Variants in AGBL4 observed in about 807,000 individuals in gnomAD.
The protein encoded by AGBL4 is AGBL carboxypeptidase 4, also known as cytosolic carboxypeptidase 6.
AGBL4 carries 58 observed loss-of-function variants against 66.4 expected under a neutral mutation model. The ratio of observed to expected loss-of-function variants is 0.87; its 90% CI spans 0.71 to 1.09. AGBL4 has a LOEUF of 1.09. AGBL4 is among the 50% of genes least tolerant of loss of function. AGBL4 has a pLI of 0.00. For missense variants in AGBL4, 579 were observed against 631.0 expected (o/e 0.92, Z 0.88); for synonymous variants, 234 against 222.9 (o/e 1.05, Z -0.44).
intron 3 of AGBL4, among the ~76,000 whole-genome samples, chr1:49,578,445 CA>C (rs1281068489): frequency 2.6e-5 from 4 of 152,136 alleles, no homozygotes; most frequent in South Asian, 2.1e-4. Context: ...TTGCTGAAGG[CA>C]AAAGGAATAC....
At chr1:49,462,601 G>C (rs1646539378) in intron 3 of AGBL4, among the ~76,000 whole-genome samples, 1 of 151,686 alleles carries the variant, frequency 6.6e-6, no homozygotes, top group Admixed American at 6.6e-5. Context: ...CTTAAAGCTT[G>C]GATTAAAAGC....
rs187904403 is a variant in AGBL4, at chr1:49,233,678, T to C, written c.377+12092A>G. Among the ~76,000 whole-genome samples, 35 of 152,330 alleles carry C rather than the reference T, an allele frequency of 2.3e-4. No homozygotes were observed. The East Asian group carries it at 5.6e-3, about 24-fold the overall frequency. On this transcript the variant is annotated intron_variant, in intron 4 of 13. Coordinates refer to ENST00000371839, the MANE Select transcript of AGBL4 (RefSeq NM_032785.4). ...TGCCATAAAAATGGTTCAGACATAG[T>C]ATTTTCTGGGTAGAATTAGGAAATT...
chr1:49,960,573 C>T (rs922357122), intron 1 of AGBL4, among the ~76,000 whole-genome samples: 5 of 151,856 alleles, frequency 3.3e-5, no homozygotes, highest in Admixed American at 1.3e-4. Flanking sequence ...TTGTATGTTC[C>T]CACACAAAGA....
intron 6 of AGBL4, among the ~76,000 whole-genome samples, chr1:48,828,352 G>T (rs949595100): frequency 4.6e-5 from 7 of 152,114 alleles, no homozygotes; most frequent in African/African-American, 1.7e-4. Flanking sequence ...TTGCTGGATA[G>T]AGCCATGGAG....
At chr1:49,689,964 C>T (rs555972683) in intron 3 of AGBL4, among the ~76,000 whole-genome samples, 1 of 152,186 alleles carries the variant, frequency 6.6e-6, no homozygotes, top group South Asian at 2.1e-4. Flanking sequence ...CTGATGAAGT[C>T]AACTGATGTG....
intron 3 of AGBL4, among the ~76,000 whole-genome samples, chr1:49,585,990 T>C (rs960508885): frequency 6.6e-6 from 1 of 152,210 alleles, no homozygotes; most frequent in East Asian, 1.9e-4. Context: ...CCTTTACCCA[T>C]ATGTTAATTA....
At chr1:48,649,284 G>A (rs898931401) in intron 8 of AGBL4, among the ~76,000 whole-genome samples, 14 of 152,156 alleles carry the variant, frequency 9.2e-5, no homozygotes, top group African/African-American at 3.1e-4. Context: ...GCGATCCCTG[G>A]GAAAGCCTTT....
At chr1:49,828,466 T>A (rs370972689) in intron 2 of AGBL4, among the ~76,000 whole-genome samples, 38 of 151,946 alleles carry the variant, frequency 2.5e-4, no homozygotes, top group African/African-American at 3.6e-4. Context: ...GAAAAAAAAA[T>A]TTGGCTGAAT....
chr1:49,146,190 T>G (rs1646214765), intron 4 of AGBL4, among the ~76,000 whole-genome samples: 1 of 152,092 alleles, frequency 6.6e-6, no homozygotes, highest in Non-Finnish European at 1.5e-5. Flanking sequence ...TACTGGATAA[T>G]GCAACAAGGT....
intron 5 of AGBL4, among the ~76,000 whole-genome samples, chr1:48,921,331 CTG>C (rs1654056989): frequency 6.6e-6 from 1 of 152,194 alleles, no homozygotes; most frequent in Non-Finnish European, 1.5e-5. Flanking sequence ...GTGCTGGACA[CTG>C]GAGATGCAAA....
intron 6 of AGBL4, among the ~76,000 whole-genome samples, chr1:48,693,504 T>C (rs1212799682): frequency 6.6e-6 from 1 of 152,150 alleles, no homozygotes; most frequent in Non-Finnish European, 1.5e-5. Flanking sequence ...AAAGGAAATT[T>C]CACGGTGGCG....
chr1:49,245,843 TAAC>T lies in AGBL4; in HGVS notation c.301_303del (p.Val101del). The stretch of plus-strand genomic sequence containing the variant: ...TAGAGACTCTTGGTTTTACTGAAGT[TAAC>T]AATGTTGAAAATGACCCTCTGAAAA... On this transcript the variant is annotated inframe_deletion, in exon 4 of 14. Transcript: ENST00000371839. The T allele has an allele frequency of 6.5e-7, 1 of 1,549,320 alleles. No homozygotes were observed. The highest frequency in any genetic ancestry group is 8.7e-7 in the Non-Finnish European group (1 of 1,145,280).
chr1:49,398,340 TCTCTCTCTC>T, intron 3 of AGBL4, among the ~76,000 whole-genome samples: 1 of 49,838 alleles, frequency 2.0e-5, no homozygotes, highest in Non-Finnish European at 9.2e-5. Context: ...TCTTTCTCTC[TCTCTCTCTC>T]TCTCTCTCTC....
intron 2 of AGBL4, among the ~76,000 whole-genome samples, chr1:49,791,276 A>G (rs1644592614): frequency 6.6e-6 from 1 of 152,182 alleles, no homozygotes; most frequent in Non-Finnish European, 1.5e-5. Context: ...AAGCCAATAT[A>G]GAAAATAAAA....
intron 4 of AGBL4, among the ~76,000 whole-genome samples, chr1:49,111,426 C>T (rs574652070): frequency 6.6e-6 from 1 of 152,308 alleles, no homozygotes; most frequent in East Asian, 1.9e-4. Context: ...TCCTTGAATT[C>T]TATATAATGT....
Position 49,737,692 on chromosome 1 carries a change from T to C in AGBL4, c.158-40255A>G, listed in dbSNP as rs557692263. Among the ~76,000 whole-genome samples, 3 of 152,260 alleles carry C rather than the reference T, an allele frequency of 2.0e-5. No individual in the cohort carries two copies. The South Asian group carries it at 6.2e-4, about 32-fold the overall frequency. On this transcript the variant is annotated intron_variant, in intron 2 of 13. Coordinates refer to ENST00000371839, the MANE Select transcript of AGBL4 (RefSeq NM_032785.4). Reference sequence around the variant, plus strand: ...CCTGCATATAAAATAAAAGTTGATATTTGTAACAAAATCCTAGTAATTCCT... The same window carrying C: ...CCTGCATATAAAATAAAAGTTGATACTTGTAACAAAATCCTAGTAATTCCT...
intron 4 of AGBL4, among the ~76,000 whole-genome samples, chr1:49,104,291 T>G (rs1645254726): frequency 1.3e-5 from 2 of 152,222 alleles, no homozygotes; most frequent in South Asian, 4.1e-4. Context: ...CATTTTAATT[T>G]TATAGTAATG....
intron 3 of AGBL4, among the ~76,000 whole-genome samples, chr1:49,355,022 T>C (rs1643989778): frequency 6.6e-6 from 1 of 152,082 alleles, no homozygotes. Context: ...TAACCTTATG[T>C]GCACATCTTT....
At chr1:49,302,591 TTATA>T (rs1644767155) in intron 3 of AGBL4, among the ~76,000 whole-genome samples, 1 of 146,132 alleles carries the variant, frequency 6.8e-6, no homozygotes, top group Non-Finnish European at 1.5e-5. Flanking sequence ...TTATTTTATT[TTATA>T]TTTTATTTTA....
Sources: gnomAD v4.1 joint callset for allele counts (sites outside exome capture counted in the v4.1 genomes callset) on GRCh38, gnomAD v4.1.1 for gene constraint, MANE v1.5 for transcripts, NCBI Gene and HGNC (gene_info 2026-07-23, HGNC 2026-07-21) for gene names.